Variants in KPNA6 observed in about 807,000 individuals in gnomAD.
The protein encoded by KPNA6 is importin subunit alpha-7.
A neutral mutation model predicts 72.0 loss-of-function variants in KPNA6; 9 were observed. That is an observed-to-expected ratio of 0.13 (90% CI 0.08 to 0.22). KPNA6 has a LOEUF of 0.22. Among genes scored for constraint, KPNA6 ranks in the 10% least tolerant of loss-of-function variants. KPNA6 has a pLI of 1.00. For missense variants in KPNA6, 374 were observed against 655.7 expected (o/e 0.57, Z 4.69); for synonymous variants, 219 against 242.1 (o/e 0.90, Z 0.89).
At chr1:32,154,768 C>A (rs1642106382) in intron 2 of KPNA6, 47 bp downstream of exon 2, 2 of 1,605,430 alleles carry the variant, frequency 1.2e-6, no homozygotes. Flanking sequence ...GGGAAACAAG[C>A]CCCTATGGTT....
intron 1 of KPNA6, among the ~76,000 whole-genome samples, chr1:32,151,301 TA>T (rs1177545474): frequency 6.6e-6 from 1 of 152,172 alleles, no homozygotes; most frequent in Non-Finnish European, 1.5e-5. Context: ...GGGTCTCTAC[TA>T]TGCCCTAAGT....
chr1:32,147,470 A>G (rs1356970870), intron 1 of KPNA6, among the ~76,000 whole-genome samples: 1 of 151,442 alleles, frequency 6.6e-6, no homozygotes, highest in Non-Finnish European at 1.5e-5. Flanking sequence ...AAATTAAACA[A>G]AATTATTTGT....
chr1:32,120,258 T>C (rs1641408269), intron 1 of KPNA6, among the ~76,000 whole-genome samples: 1 of 151,566 alleles, frequency 6.6e-6, no homozygotes, highest in African/African-American at 2.4e-5. Flanking sequence ...TTTTTTTTTT[T>C]TTTTGAGATG....
At chr1:32,108,225 A>G in intron 1 of KPNA6, 91 bp downstream of exon 1, 4 of 1,560,268 alleles carry the variant, frequency 2.6e-6, no homozygotes, top group Non-Finnish European at 2.6e-6. Flanking sequence ...TCTGCGGAAG[A>G]TGTCTGCATC....
At chr1:32,162,336 GTCTT>G (rs770003665) in intron 8 of KPNA6, 21 bp from the exon 9 acceptor site, 1 of 1,557,102 alleles carries the variant, frequency 6.4e-7, no homozygotes, top group Non-Finnish European at 8.7e-7. Context: ...TCCCCTGTGA[GTCTT>G]TCTCACTCTG....
At chr1:32,118,620 C>A (rs1476999196) in intron 1 of KPNA6, among the ~76,000 whole-genome samples, 2 of 151,630 alleles carry the variant, frequency 1.3e-5, no homozygotes. Context: ...CATGGCAAAA[C>A]CCCTGTCTCT....
chr1:32,117,364 G>A (rs1440141657), intron 1 of KPNA6, among the ~76,000 whole-genome samples: 1 of 152,040 alleles, frequency 6.6e-6, no homozygotes, highest in Middle Eastern at 3.4e-3. Flanking sequence ...AGTAGAGATG[G>A]GGTTTTACCA....
intron 7 of KPNA6, among the ~76,000 whole-genome samples, 184 bp from the exon 8 acceptor site, chr1:32,161,763 A>G (rs1405877999): frequency 6.6e-6 from 1 of 152,168 alleles, no homozygotes; most frequent in Non-Finnish European, 1.5e-5. Flanking sequence ...TGGTCCTGAA[A>G]TGAATACTCT....
At chr1:32,164,125 C>G (rs1642289675) in intron 10 of KPNA6, among the ~76,000 whole-genome samples, 1 of 152,166 alleles carries the variant, frequency 6.6e-6, no homozygotes, top group African/African-American at 2.4e-5. Flanking sequence ...TTTGAGTGCT[C>G]TAAGTACCTC....
At chr1:32,159,722 C>T (rs377185647) in intron 6 of KPNA6, among the ~76,000 whole-genome samples, 191 bp downstream of exon 6, 1 of 152,148 alleles carries the variant, frequency 6.6e-6, no homozygotes, top group African/African-American at 2.4e-5. Context: ...TGGGACTAAC[C>T]TGCGGACTCT....
At chr1:32,145,747 T>A (rs1641919378) in intron 1 of KPNA6, among the ~76,000 whole-genome samples, 2 of 152,134 alleles carry the variant, frequency 1.3e-5, no homozygotes, top group South Asian at 2.1e-4. Context: ...GATGTAAGGG[T>A]TTATTTCTGG....
chr1:32,164,612 T>C (rs1355292591), intron 10 of KPNA6, among the ~76,000 whole-genome samples: 1 of 152,092 alleles, frequency 6.6e-6, no homozygotes, highest in Non-Finnish European at 1.5e-5. Flanking sequence ...TGATATTTCA[T>C]TGTGGTTTTG....
intron 1 of KPNA6, among the ~76,000 whole-genome samples, chr1:32,140,465 C>G (rs765135970): frequency 1.3e-5 from 2 of 151,954 alleles, no homozygotes; most frequent in Non-Finnish European, 2.9e-5. Flanking sequence ...ATGACATTTA[C>G]AATTTTCAAA....
intron 6 of KPNA6, 62 bp downstream of exon 6, chr1:32,159,593 G>C (rs142902436): frequency 6.4e-7 from 1 of 1,560,446 alleles, no homozygotes. Flanking sequence ...AATATATTTG[G>C]TCTTTGTCCT....
chr1:32,163,494 G>A (rs1435216305), intron 10 of KPNA6, among the ~76,000 whole-genome samples, 181 bp downstream of exon 10: 1 of 152,174 alleles, frequency 6.6e-6, no homozygotes, highest in East Asian at 1.9e-4. Flanking sequence ...AACAGTCATG[G>A]GAAACTTGGT....
intron 1 of KPNA6, among the ~76,000 whole-genome samples, chr1:32,147,109 G>C (rs1641942935): frequency 6.6e-6 from 1 of 152,092 alleles, no homozygotes; most frequent in Admixed American, 6.6e-5. Flanking sequence ...TCCTGCCTCA[G>C]CCTCCCAAGT....
At chr1:32,145,126 T>G (rs1343733454) in intron 1 of KPNA6, among the ~76,000 whole-genome samples, 2 of 151,596 alleles carry the variant, frequency 1.3e-5, no homozygotes, top group African/African-American at 4.8e-5. Context: ...CTAATTTTTT[T>G]GTTGTTGTAT....
chr1:32,154,607 G>A lies in KPNA6; in HGVS notation c.24G>A (p.Gly8=), dbSNP rs372827442. 3 of 1,613,778 alleles carry A rather than the reference G, an allele frequency of 1.9e-6. No homozygotes were observed. The highest frequency in any genetic ancestry group is 2.2e-5 in the East Asian group (1 of 44,876). Residue 8 remains glycine (G), a synonymous_variant, in exon 2 of 14, where the codon GGG becomes GGA. Transcript: ENST00000373625. METMASP[G]KDNYRMKSYK... Reference sequence around the variant, plus strand: ...TTCTAGAGACCATGGCGAGCCCAGGGAAAGACAATTATCGAATGAAGAGCT... The same window carrying A: ...TTCTAGAGACCATGGCGAGCCCAGGAAAAGACAATTATCGAATGAAGAGCT...
chr1:32,119,657 T>A (rs1211419916), intron 1 of KPNA6, among the ~76,000 whole-genome samples: 1 of 152,122 alleles, frequency 6.6e-6, no homozygotes, highest in Non-Finnish European at 1.5e-5. Flanking sequence ...TCCAGCCAAT[T>A]GTTGCCATGG....
Sources: allele counts gnomAD v4.1 joint callset (sites outside exome capture counted in the v4.1 genomes callset), GRCh38; gene constraint gnomAD v4.1.1; transcripts MANE v1.5; gene names NCBI Gene and HGNC (gene_info 2026-07-23, HGNC 2026-07-21).